NGEF: variants seen among roughly 807,000 people sequenced by gnomAD.
The protein encoded by NGEF is ephexin-1.
Under a neutral mutation model 80.9 loss-of-function variants are expected in NGEF, and 31 were observed. That is an observed-to-expected ratio of 0.38 (90% confidence interval 0.29 to 0.52). NGEF has a LOEUF of 0.52. Ranked by LOEUF, NGEF falls within the 20% of genes least tolerant of loss-of-function variation. The pLI is 0.84. For missense variants in NGEF, 709 were observed against 926.2 expected, an observed-to-expected ratio of 0.77 and a Z score of 3.04; for synonymous variants, 371 against 370.2, an observed-to-expected ratio of 1.00 and a Z score of -0.03.
At chr2:232,886,606 A>C (rs1278567834) in intron 9 of NGEF, among the ~76,000 whole-genome samples, 1 of 121,408 alleles carries the variant, frequency 8.2e-6, no homozygotes, top group Non-Finnish European at 1.7e-5. Context: ...TCAGAGAAAA[A>C]ATAAACCTTC....
chr2:232,901,286 C>T (rs904898002), intron 5 of NGEF: 35 of 841,916 alleles, frequency 4.2e-5, no homozygotes, highest in Middle Eastern at 6.0e-4. Context: ...CTCCTGCCTC[C>T]GCACTCGGAT....
At chr2:232,928,608 T>C (rs997800875) in intron 3 of NGEF, among the ~76,000 whole-genome samples, 5 of 152,164 alleles carry the variant, frequency 3.3e-5, no homozygotes, top group African/African-American at 1.2e-4. Flanking sequence ...CTCCGTCTTG[T>C]CTCTGCTCCA....
chr2:232,901,201 T>A (rs1044394070), intron 5 of NGEF, among the ~76,000 whole-genome samples: 3 of 152,188 alleles, frequency 2.0e-5, no homozygotes, highest in Non-Finnish European at 4.4e-5. Flanking sequence ...GTTCAGCTTG[T>A]CCTGCAGTTC....
At chr2:232,954,023 T>TA (rs976983773) in intron 3 of NGEF, among the ~76,000 whole-genome samples, 12 of 152,110 alleles carry the variant, frequency 7.9e-5, no homozygotes, top group East Asian at 1.9e-4. Flanking sequence ...CCACTAACTA[T>TA]AAAAAAATCC....
chr2:232,985,696 T>C (rs1042981671), intron 1 of NGEF, among the ~76,000 whole-genome samples: 1 of 152,084 alleles, frequency 6.6e-6, no homozygotes, highest in Non-Finnish European at 1.5e-5. Context: ...GAGCTTGCAG[T>C]GAGCAGAGAT....
chr2:232,925,439 G>C (rs116750587), intron 4 of NGEF, among the ~76,000 whole-genome samples: 2 of 152,180 alleles, frequency 1.3e-5, no homozygotes, highest in African/African-American at 4.8e-5. Context: ...ACACCTGCAG[G>C]GGGTAGCAGG....
chr2:232,918,214 T>C (rs2106273794), intron 5 of NGEF, among the ~76,000 whole-genome samples: 1 of 152,312 alleles, frequency 6.6e-6, no homozygotes, highest in South Asian at 2.1e-4. Flanking sequence ...CACCTCGGCC[T>C]CCCAAAGTGC....
At chr2:232,988,604 C>T (rs959526423) in intron 1 of NGEF, among the ~76,000 whole-genome samples, 1 of 152,168 alleles carries the variant, frequency 6.6e-6, no homozygotes, top group Non-Finnish European at 1.5e-5. Flanking sequence ...TTGACCCAGC[C>T]ATCTCCGCTG....
intron 5 of NGEF, among the ~76,000 whole-genome samples, chr2:232,904,636 A>T (rs1356907643): frequency 6.6e-6 from 1 of 152,232 alleles, no homozygotes; most frequent in Admixed American, 6.5e-5. Flanking sequence ...CAAGTGCTTC[A>T]GGACAAATTA....
At chr2:233,003,103 G>A (rs768162433) in intron 1 of NGEF, among the ~76,000 whole-genome samples, 2 of 152,198 alleles carry the variant, frequency 1.3e-5, no homozygotes, top group Non-Finnish European at 2.9e-5. Flanking sequence ...GCTGACACGT[G>A]ATTGCCCATG....
At chr2:232,899,712 T>TGA (rs1553546682) in intron 5 of NGEF, among the ~76,000 whole-genome samples, 1 of 122,366 alleles carries the variant, frequency 8.2e-6, no homozygotes, top group African/African-American at 3.4e-5. Flanking sequence ...ACACACGCTC[T>TGA]CAGTCACTCA....
chr2:232,902,125 C>T (rs557963223), intron 5 of NGEF, among the ~76,000 whole-genome samples: 2 of 152,322 alleles, frequency 1.3e-5, no homozygotes, highest in Non-Finnish European at 2.9e-5. Flanking sequence ...GCTGCAGCCG[C>T]CCTGGGGTGA....
intron 3 of NGEF, among the ~76,000 whole-genome samples, chr2:232,956,452 A>G (rs1357675831): frequency 6.6e-6 from 1 of 152,200 alleles, no homozygotes; most frequent in African/African-American, 2.4e-5. Flanking sequence ...GTATTGATAG[A>G]ACCAATAAAA....
chr2:232,882,151 G>A, intron 13 of NGEF, 35 bp downstream of exon 13: 2 of 1,595,826 alleles, frequency 1.3e-6, no homozygotes, highest in Non-Finnish European at 1.7e-6. Flanking sequence ...CCAGCCCAAG[G>A]ACAAATGGCG....
chr2:232,975,651 C>T (rs1347536956), intron 1 of NGEF, among the ~76,000 whole-genome samples: 1 of 152,112 alleles, frequency 6.6e-6, no homozygotes, highest in Non-Finnish European at 1.5e-5. Context: ...GAACAAACCC[C>T]ACCTCCCTCC....
chr2:232,965,247 A>G (rs1694032589), intron 3 of NGEF, among the ~76,000 whole-genome samples: 1 of 152,202 alleles, frequency 6.6e-6, no homozygotes, highest in Non-Finnish European at 1.5e-5. Flanking sequence ...TTAGATCATG[A>G]AACCTGCCTT....
chr2:232,970,116 T>G (rs1299407101), intron 3 of NGEF, 98 bp downstream of exon 3: 2 of 545,804 alleles, frequency 3.7e-6, no homozygotes, highest in African/African-American at 4.0e-5. Context: ...ATTATTTTTT[T>G]TAACATGACA....
chr2:232,995,382 ATGTATAC>A (rs796663377), intron 1 of NGEF, among the ~76,000 whole-genome samples: 1 of 5,308 alleles, frequency 1.9e-4, no homozygotes, highest in Non-Finnish European at 3.2e-4. Flanking sequence ...TATACACAGT[ATGTATAC>A]TGTATACTGT....
chr2:232,883,203 CAG>C (rs954117635), intron 12 of NGEF, 106 bp downstream of exon 12: 104 of 1,357,298 alleles, frequency 7.7e-5, no homozygotes, highest in Non-Finnish European at 1.0e-4. Context: ...CGGCTCCACA[CAG>C]AGCGTGTGTG....
Sources: gnomAD v4.1 joint callset for allele counts (sites outside exome capture counted in the v4.1 genomes callset) on GRCh38, gnomAD v4.1.1 for gene constraint, MANE v1.5 for transcripts, NCBI Gene and HGNC (gene_info 2026-07-23, HGNC 2026-07-21) for gene names.